The following ROBO2 variants were observed in gnomAD, a reference collection of about 807,000 sequenced individuals.
ROBO2 encodes roundabout guidance receptor 2.
A neutral mutation model predicts 160.8 loss-of-function variants in ROBO2; 53 were observed. That is an observed-to-expected ratio of 0.33 (90% CI 0.26 to 0.41). ROBO2 has a LOEUF of 0.41. Ranked by LOEUF, ROBO2 falls within the 10% of genes least tolerant of loss-of-function variation. The pLI, the probability that ROBO2 is intolerant of heterozygous loss-of-function variation, is 1.00. For missense variants in ROBO2, 1,577 were observed against 1,722.4 expected (o/e 0.92, Z 1.49); for synonymous variants, 664 against 611.7 (o/e 1.09, Z -1.26).
At chr3:77,248,174 A>G (rs7431770) in intron 2 of ROBO2, among the ~76,000 whole-genome samples, 137,095 of 152,070 alleles carry the variant, frequency 0.9, 62,055 homozygotes, top group Middle Eastern at 0.96. Flanking sequence ...CCGACTCTAG[A>G]GGAAGATCAC....
chr3:76,746,148 A>C (rs1221953101), intron 2 of ROBO2, among the ~76,000 whole-genome samples: 2 of 151,974 alleles, frequency 1.3e-5, no homozygotes, highest in East Asian at 3.9e-4. Flanking sequence ...CCATGTCCCT[A>C]AAAATGACAT....
chr3:76,587,379 T>C (rs2086114100), intron 2 of ROBO2, among the ~76,000 whole-genome samples: 1 of 152,086 alleles, frequency 6.6e-6, no homozygotes. Context: ...ACTGGGTAAC[T>C]TATAAAGAAA....
chr3:77,213,986 G>T (rs1436160506), intron 2 of ROBO2, among the ~76,000 whole-genome samples: 2 of 152,082 alleles, frequency 1.3e-5, no homozygotes, highest in African/African-American at 2.4e-5. Flanking sequence ...GCTGAGGAGT[G>T]CTTTACTTCC....
At chr3:77,524,753 AC>A (rs1561073344) in intron 6 of ROBO2, among the ~76,000 whole-genome samples, 1 of 151,286 alleles carries the variant, frequency 6.6e-6, no homozygotes, top group African/African-American at 2.4e-5. Context: ...AAGCTAACTT[AC>A]AAAACTAATA....
intron 1 of ROBO2, among the ~76,000 whole-genome samples, chr3:77,072,049 C>A (rs879694359): frequency 1.3e-5 from 2 of 152,134 alleles, no homozygotes; most frequent in African/African-American, 2.4e-5. Context: ...GCCTCTCCCC[C>A]TCGTTCGCAT....
rs540040420 is a variant in ROBO2, at chr3:77,286,401, C to A, written c.388+188061C>A. On this transcript the variant is annotated intron_variant, in intron 2 of 25. Transcript: ENST00000461745. ...CCTTCCGAGTAGCTGGGACTACAGG[C>A]ACATGCCACCATGCCCAGCTAATTT... is the stretch of plus-strand genomic sequence containing the variant. 4.5e-3 allele frequency among the ~76,000 whole-genome samples: 682 copies of A among 150,560 alleles called. 9 individuals are homozygous for A. Among genetic ancestry groups the A allele is most frequent in the African/African-American group, 0.016 (646 of 41,008 alleles).
intron 23 of ROBO2, chr3:77,630,314 G>A (rs539135420): frequency 7.3e-5 from 11 of 151,522 alleles, no homozygotes; most frequent in African/African-American, 2.2e-4. Flanking sequence ...AGTTCCACAC[G>A]GCTGGAGAGG....
chr3:76,661,544 G>T (rs2091821392), intron 2 of ROBO2, among the ~76,000 whole-genome samples: 4 of 152,162 alleles, frequency 2.6e-5, no homozygotes, highest in Admixed American at 2.6e-4. Context: ...TAGACGTAAG[G>T]TGTACATTGG....
intron 2 of ROBO2, among the ~76,000 whole-genome samples, chr3:76,013,553 T>C (rs918968310): frequency 6.0e-5 from 9 of 150,688 alleles, no homozygotes; most frequent in African/African-American, 2.2e-4. Flanking sequence ...AGAAGTAATA[T>C]GTATAAAGGC....
chr3:75,923,354 G>C (rs564360909), intron 1 of ROBO2, among the ~76,000 whole-genome samples: 1 of 152,292 alleles, frequency 6.6e-6, no homozygotes, highest in Non-Finnish European at 1.5e-5. Context: ...AGTCAGTTAT[G>C]TTCCCAAATA....
At chr3:77,262,011 C>T (rs138132114) in intron 2 of ROBO2, among the ~76,000 whole-genome samples, 34 of 152,042 alleles carry the variant, frequency 2.2e-4, no homozygotes, top group African/African-American at 7.9e-4. Flanking sequence ...TTGATGTATT[C>T]TCAAACTCTC....
chr3:77,618,079 G>A (rs2094821265), intron 22 of ROBO2: 1 of 378,952 alleles, frequency 2.6e-6, no homozygotes, highest in Non-Finnish European at 4.9e-6. Flanking sequence ...AGTGCTCTTG[G>A]CTACACCAGA....
chr3:77,042,294 A>G (rs1267097131), intron 1 of ROBO2, among the ~76,000 whole-genome samples: 1 of 152,228 alleles, frequency 6.6e-6, no homozygotes, highest in African/African-American at 2.4e-5. Flanking sequence ...TCAGTACATT[A>G]AAATACGTGT....
chr3:76,811,917 C>G (rs1187692404), intron 2 of ROBO2, among the ~76,000 whole-genome samples: 2 of 149,424 alleles, frequency 1.3e-5, no homozygotes, highest in Non-Finnish European at 3.0e-5. Flanking sequence ...GTATCCCACG[C>G]TGGAGTGCAA....
intron 2 of ROBO2, among the ~76,000 whole-genome samples, chr3:77,429,597 C>T (rs1316384425): frequency 3.6e-5 from 5 of 137,532 alleles, no homozygotes; most frequent in Non-Finnish European, 7.7e-5. Context: ...CAAAATTGCT[C>T]ATGTAAAAAG....
Position 76,956,267 on chromosome 3 carries a change from G to A in ROBO2, c.110-141747G>A, listed in dbSNP as rs147954141. On this transcript the variant is annotated intron_variant, in intron 2 of 26. Transcript: ENST00000487694. ...CCTTTAGATTAAAATATGTTAGTAA[G>A]CTAATCTGGGCCAGGCACGGTGGCT... 5.0e-3 allele frequency among the ~76,000 whole-genome samples: 763 copies of A among 152,166 alleles called. 7 individuals carry two copies. The highest frequency in any genetic ancestry group is 0.016 in the African/African-American group (682 of 41,524).
chr3:77,581,249 T>A (rs147383609), intron 16 of ROBO2, among the ~76,000 whole-genome samples: 189 of 152,236 alleles, frequency 1.2e-3, no homozygotes, highest in African/African-American at 4.3e-3. Flanking sequence ...GTTACAAATA[T>A]TTTCTCCCAG....
chr3:77,474,282 G>A (rs147783459), intron 2 of ROBO2, among the ~76,000 whole-genome samples: 2 of 152,118 alleles, frequency 1.3e-5, no homozygotes, highest in Non-Finnish European at 2.9e-5. Context: ...TACCATAGCG[G>A]TGTTAGGCAA....
chr3:76,551,193 C>T (rs73129145), intron 2 of ROBO2, among the ~76,000 whole-genome samples: 4,184 of 152,140 alleles, frequency 0.028, 78 homozygotes, highest in South Asian at 0.05. Flanking sequence ...GCCAGACTCA[C>T]ACAGAAGTTG....
Sources: gnomAD v4.1 joint callset for allele counts (sites outside exome capture counted in the v4.1 genomes callset) on GRCh38, gnomAD v4.1.1 for gene constraint, MANE v1.5 for transcripts, NCBI Gene and HGNC (gene_info 2026-07-23, HGNC 2026-07-21) for gene names.